The following GFM2 variants were observed in gnomAD, a reference collection of about 807,000 sequenced individuals.
The protein encoded by GFM2 is GTP dependent ribosome recycling factor mitochondrial 2, also known as ribosome-releasing factor 2, mitochondrial.
In GFM2, 72 loss-of-function variants were observed where a neutral mutation model predicts 95.4. The observed-to-expected ratio is 0.76, with a 90% CI of 0.62 to 0.92. The LOEUF (loss-of-function observed/expected upper bound fraction) is 0.92. Ranked by LOEUF, GFM2 falls within the 40% of genes least tolerant of loss-of-function variation. The probability of loss-of-function intolerance (pLI) is 0.00; values close to 1 mark genes in which losing one functional copy is unlikely to be tolerated. For synonymous variants in GFM2, 276 were observed against 317.5 expected (o/e 0.87, Z 1.39); for missense variants, 825 against 924.1 (o/e 0.89, Z 1.39).
At chr5:74,758,662 T>C (rs1420544216) in intron 5 of GFM2, among the ~76,000 whole-genome samples, 187 bp downstream of exon 5, 1 of 152,230 alleles carries the variant, frequency 6.6e-6, no homozygotes, top group Non-Finnish European at 1.5e-5. Flanking sequence ...CTTACAAGTC[T>C]GAATATTTAG....
At chr5:74,765,709 T>C (rs1488637337) in intron 1 of GFM2, among the ~76,000 whole-genome samples, 1 of 151,912 alleles carries the variant, frequency 6.6e-6, no homozygotes, top group African/African-American at 2.4e-5. Flanking sequence ...AAAAAACTGC[T>C]TCAAAGGCGG....
intron 7 of GFM2, among the ~76,000 whole-genome samples, chr5:74,748,890 T>TA (rs1554040867): frequency 2.6e-5 from 2 of 76,810 alleles, no homozygotes; most frequent in Admixed American, 1.5e-4. Context: ...TAAAATAAAA[T>TA]AAATAAAATA....
In GFM2 at chr5:74,749,103, T is replaced by C. The variant is rs1743562148; in HGVS notation, c.520-1323A>G. On this transcript the variant is annotated intron_variant, in intron 7 of 20. Coordinates refer to ENST00000296805, the MANE Select transcript of GFM2 (RefSeq NM_032380.5). ...AGGCTCACTGCAGCCCCAACCTCCC[T>C]GCTGGGCTCAAGCAATTCTCCCATC... 1.3e-5 allele frequency among the ~76,000 whole-genome samples: 2 copies of C among 151,930 alleles called. 1 individual carries two copies. Among genetic ancestry groups the C allele is most frequent in the South Asian group, 4.2e-4 (2 of 4,794 alleles).
At chr5:74,737,537 A>G (rs1333303049) in intron 14 of GFM2, among the ~76,000 whole-genome samples, 1 of 152,122 alleles carries the variant, frequency 6.6e-6, no homozygotes, top group Non-Finnish European at 1.5e-5. Flanking sequence ...AATAGTCCCA[A>G]TGTATTTGTA....
intron 14 of GFM2, among the ~76,000 whole-genome samples, 180 bp downstream of exon 14, chr5:74,738,138 T>C (rs751342037): frequency 1.1e-4 from 16 of 152,214 alleles, no homozygotes; most frequent in Non-Finnish European, 1.3e-4. Context: ...TCTTCCGTAA[T>C]CTACTTTTCT....
Position 74,741,574 on chromosome 5 carries a change from AAC to A in GFM2, c.883_884del (p.Val295PhefsTer5). On this transcript the variant is annotated frameshift_variant, in exon 11 of 21. Transcript: ENST00000296805. LOFTEE classifies it high-confidence loss of function. ...ADLDDEFADL[V>X]LEEFSENFDL... is the part of the protein sequence containing the mutation. Reference sequence around the variant, plus strand: ...CAAAATTCTCACTAAATTCTTCTAAAACCAAGTCAGCAAATTCATCATCCAAA... The same window carrying A: ...CAAAATTCTCACTAAATTCTTCTAAACAAGTCAGCAAATTCATCATCCAAA... 6.3e-7 allele frequency: 1 copy of A among 1,590,792 alleles called. No individual in the cohort carries two copies. Among genetic ancestry groups the A allele is most frequent in the Non-Finnish European group, 8.6e-7 (1 of 1,162,822 alleles).
chr5:74,763,327 G>A (rs1744378265), intron 2 of GFM2, among the ~76,000 whole-genome samples: 1 of 152,124 alleles, frequency 6.6e-6, no homozygotes, highest in Non-Finnish European at 1.5e-5. Flanking sequence ...TCAATCCATG[G>A]ATACTTAATA....
Position 74,721,361 on chromosome 5 carries a change from G to A in GFM2, c.*294C>T. 5.4e-6 allele frequency: 4 copies of A among 739,122 alleles called. No homozygotes were observed. The highest frequency in any genetic ancestry group is 7.3e-6 in the Non-Finnish European group (3 of 409,898). The allele number at this position is 739,122 out of a possible 1,614,324, so 45.8% of individuals were successfully genotyped here. A position where few individuals can be genotyped will look rare whatever the true frequency, so the allele number is the denominator to read the frequency against. ...GTGAGACAAGCTTAAGGACACAAAA[G>A]AAACACAACTTTGTGATACCACTCT... On this transcript the variant is annotated 3_prime_UTR_variant, in exon 21 of 21. Coordinates refer to ENST00000296805, the MANE Select transcript of GFM2 (RefSeq NM_032380.5).
intron 10 of GFM2, among the ~76,000 whole-genome samples, chr5:74,742,257 TAAA>T (rs36116775): frequency 7.1e-6 from 1 of 139,974 alleles, no homozygotes; most frequent in South Asian, 2.4e-4. Flanking sequence ...TCAAACTTGG[TAAA>T]AAAAAAAAAA....
chr5:74,723,020 CAAG>C (rs1208367015), intron 19 of GFM2, among the ~76,000 whole-genome samples: 2 of 151,828 alleles, frequency 1.3e-5, no homozygotes, highest in Admixed American at 1.3e-4. Context: ...TTTCAAAGGC[CAAG>C]AAGAACATGC....
intron 5 of GFM2, 25 bp from the exon 6 acceptor site, chr5:74,751,518 T>A: frequency 6.3e-7 from 1 of 1,582,108 alleles, no homozygotes; most frequent in Non-Finnish European, 8.7e-7. Flanking sequence ...GATGATACAG[T>A]TTAGTCTTAA....
At chr5:74,724,403 C>T (rs1165623706) in intron 19 of GFM2, among the ~76,000 whole-genome samples, 3 of 150,734 alleles carry the variant, frequency 2.0e-5, no homozygotes, top group East Asian at 2.0e-4. Flanking sequence ...TTTGGGAGGC[C>T]GAGGTTGGCA....
At position 74,733,326 on chromosome 5, in the gene GFM2, AC is replaced by A. The variant is rs373439241; in HGVS notation, c.1511-229del. 401 of 357,452 alleles carry A rather than the reference AC, an allele frequency of 1.1e-3. 1 individual carries two copies. Among genetic ancestry groups the A allele is most frequent in the African/African-American group, 8.7e-3 (383 of 43,902 alleles). 22.1% of individuals were successfully genotyped at this position (357,452 alleles called of 1,614,324 possible). ...GGCAACATGGCGAAACCCCGTCTTT[AC>A]AAAAAAAGAAAAAAAAAAAAAGACA... On this transcript the variant is annotated intron_variant, in intron 15 of 20. Transcript: ENST00000296805.
chr5:74,756,651 T>C (rs1743999925), intron 5 of GFM2, among the ~76,000 whole-genome samples: 1 of 143,962 alleles, frequency 6.9e-6, no homozygotes, highest in Admixed American at 6.9e-5. Context: ...CCACTAACAG[T>C]GTAAAGTGTG....
In GFM2 at chr5:74,721,797, T is replaced by C. The variant is rs1334470579; in HGVS notation, c.2212-14A>G. 1 of 1,594,326 alleles carries C rather than the reference T, an allele frequency of 6.3e-7. No homozygotes were observed. The highest frequency in any genetic ancestry group is 8.5e-7 in the Non-Finnish European group (1 of 1,173,620). On this transcript the variant is annotated splice_polypyrimidine_tract_variant and intron_variant, in intron 20 of 20. Transcript: ENST00000296805. ...AGTTGAATAACCCTAATCAAAATAA[T>C]TTAAGTCATTTATATTATCAAATTT...
intron 17 of GFM2, among the ~76,000 whole-genome samples, chr5:74,728,987 C>T (rs140747765): frequency 1.6e-4 from 25 of 152,098 alleles, no homozygotes; most frequent in African/African-American, 2.4e-4. Context: ...CTCCAGACTT[C>T]GTGATCTGCC....
At position 74,721,268 on chromosome 5, in the gene GFM2, A is replaced by G. The variant is rs1749860309; in HGVS notation, c.*387T>C. 3.8e-6 allele frequency: 4 copies of G among 1,055,146 alleles called. No homozygotes were observed. In the East Asian group the frequency reaches 1.0e-4, roughly 27 times the overall value. 65.4% of individuals were successfully genotyped at this position (1,055,146 alleles called of 1,614,324 possible). Reference sequence around the variant, plus strand: ...TAAGATATTAGACTGTTTTTTGAATAAAATATTTTTATTGATTGAACCTTT... The same window carrying G: ...TAAGATATTAGACTGTTTTTTGAATGAAATATTTTTATTGATTGAACCTTT... On this transcript the variant is annotated 3_prime_UTR_variant, in exon 21 of 21. Coordinates refer to ENST00000296805, the MANE Select transcript of GFM2 (RefSeq NM_032380.5).
At chr5:74,765,418 A>T (rs928776724) in intron 1 of GFM2, among the ~76,000 whole-genome samples, 1 of 152,182 alleles carries the variant, frequency 6.6e-6, no homozygotes, top group African/African-American at 2.4e-5. Flanking sequence ...AGTCTCTCCC[A>T]TGATGATAGG....
At chr5:74,759,561 AAAAT>A (rs1744178212) in intron 3 of GFM2, 135 bp from the exon 4 acceptor site, 1 of 532,250 alleles carries the variant, frequency 1.9e-6, no homozygotes, top group Non-Finnish European at 3.4e-6. Flanking sequence ...AAATAAATCT[AAAAT>A]AAACTAAAAT....
Sources: allele counts gnomAD v4.1 joint callset (sites outside exome capture counted in the v4.1 genomes callset), GRCh38; gene constraint gnomAD v4.1.1; transcripts MANE v1.5; gene names NCBI Gene and HGNC (gene_info 2026-07-23, HGNC 2026-07-21).